RYR2: variants seen among roughly 807,000 people sequenced by gnomAD.
RYR2 encodes cardiac muscle ryanodine receptor-calcium release channel.
In RYR2, 227 loss-of-function variants were observed where a neutral mutation model predicts 601.1. That is an observed-to-expected ratio of 0.38 (90% CI 0.34 to 0.42). RYR2 has a LOEUF of 0.42. RYR2 is among the 10% of genes least tolerant of loss of function. The pLI is 1.00. For missense variants in RYR2, 4,646 were observed against 6,156.5 expected, an observed-to-expected ratio of 0.75 and a Z score of 8.21; for synonymous variants, 2,223 against 2,175.1, an observed-to-expected ratio of 1.02 and a Z score of -0.61.
chr1:237,696,576 T>C (rs1336721607), intron 63 of RYR2, among the ~76,000 whole-genome samples: 1 of 149,412 alleles, frequency 6.7e-6, no homozygotes, highest in African/African-American at 2.5e-5. Context: ...CTATTCTACA[T>C]CTTTACCCGA....
chr1:237,704,838 T>C (rs956864943), intron 66 of RYR2, among the ~76,000 whole-genome samples: 13 of 152,040 alleles, frequency 8.6e-5, no homozygotes, highest in Non-Finnish European at 5.9e-5. Flanking sequence ...ATATAGATAT[T>C]TTAACATAAG....
chr1:237,631,377 A>G (rs2148683136), intron 41 of RYR2, 50 bp from the exon 42 acceptor site: 1 of 1,139,378 alleles, frequency 8.8e-7, no homozygotes. Context: ...TTGGTTAACT[A>G]TTTAGATGTT....
At chr1:237,145,753 G>T (rs926238043) in intron 1 of RYR2, among the ~76,000 whole-genome samples, 1 of 152,130 alleles carries the variant, frequency 6.6e-6, no homozygotes, top group East Asian at 1.9e-4. Context: ...ATCTATTCTT[G>T]TAATGGCAGT....
At chr1:237,582,413 A>G (rs1297554410) in intron 29 of RYR2, among the ~76,000 whole-genome samples, 1 of 149,720 alleles carries the variant, frequency 6.7e-6, no homozygotes, top group Non-Finnish European at 1.5e-5. Flanking sequence ...CCTGGCTAGC[A>G]TTCTTTAAAA....
At chr1:237,591,092 C>A in intron 31 of RYR2, 100 bp downstream of exon 31, 1 of 182,896 alleles carries the variant, frequency 5.5e-6, no homozygotes, top group East Asian at 1.0e-4. Flanking sequence ...TCCTCCTTCT[C>A]CTCCTCCTCC....
intron 1 of RYR2, among the ~76,000 whole-genome samples, chr1:237,126,236 C>A (rs75347392): frequency 2.6e-4 from 36 of 140,612 alleles, no homozygotes; most frequent in Non-Finnish European, 3.4e-4. Context: ...GACTCTGTCT[C>A]AAAAAAAAAA....
chr1:237,628,949 T>G (rs2148671860), intron 41 of RYR2, among the ~76,000 whole-genome samples: 1 of 152,224 alleles, frequency 6.6e-6, no homozygotes, highest in South Asian at 2.1e-4. Flanking sequence ...GCATTTCATG[T>G]GGATTTGGGG....
chr1:237,341,887 C>T (rs972197081), intron 3 of RYR2, among the ~76,000 whole-genome samples: 2 of 152,148 alleles, frequency 1.3e-5, no homozygotes, highest in Admixed American at 6.5e-5. Context: ...AATCCTCCAT[C>T]CTCATTTGCC....
intron 1 of RYR2, among the ~76,000 whole-genome samples, chr1:237,057,104 G>A (rs1326541961): frequency 6.6e-6 from 1 of 152,146 alleles, no homozygotes; most frequent in African/African-American, 2.4e-5. Context: ...TGGTGTGATT[G>A]AGAAACCACA....
chr1:237,458,372 T>C (rs953802909), intron 16 of RYR2, among the ~76,000 whole-genome samples: 4 of 152,286 alleles, frequency 2.6e-5, no homozygotes, highest in Admixed American at 2.0e-4. Flanking sequence ...GAGGTTGCAG[T>C]GAGCCAAGAT....
chr1:237,127,845 C>T (rs1671691835), intron 1 of RYR2, among the ~76,000 whole-genome samples: 1 of 150,594 alleles, frequency 6.6e-6, no homozygotes, highest in African/African-American at 2.5e-5. Flanking sequence ...GGCAGAGGTG[C>T]TCCTCACTTC....
intron 2 of RYR2, among the ~76,000 whole-genome samples, chr1:237,326,941 C>T (rs1194960266): frequency 6.6e-6 from 1 of 152,120 alleles, no homozygotes; most frequent in African/African-American, 2.4e-5. Context: ...GAACAAAGGC[C>T]TGACATGCTA....
At chr1:237,265,954 A>G (rs1322648327) in intron 1 of RYR2, among the ~76,000 whole-genome samples, 2 of 152,106 alleles carry the variant, frequency 1.3e-5, no homozygotes, top group Non-Finnish European at 2.9e-5. Flanking sequence ...TAAGTGGTTG[A>G]TTATTTATTA....
rs1354903623 is a variant in RYR2, at chr1:237,797,901, G to C, written c.13957-136G>C. 5 of 741,298 alleles carry C rather than the reference G, an allele frequency of 6.7e-6. No homozygotes were observed. The East Asian group carries it at 1.2e-4, about 17-fold the overall frequency. 45.9% of individuals were successfully genotyped at this position (741,298 alleles called of 1,614,324 possible). ...TAAGCAGTGTGATCACAGAAGGTGA[G>C]CCACACACTAGATTTTAAGTGATTG... On this transcript the variant is annotated intron_variant, in intron 96 of 104. Coordinates refer to ENST00000366574, the MANE Select transcript of RYR2 (RefSeq NM_001035.3).
At chr1:237,514,310 T>G (rs1666203205) in intron 24 of RYR2, among the ~76,000 whole-genome samples, 1 of 152,220 alleles carries the variant, frequency 6.6e-6, no homozygotes, top group Non-Finnish European at 1.5e-5. Flanking sequence ...GCATTTAGCA[T>G]GTTGTGCCTT....
intron 1 of RYR2, among the ~76,000 whole-genome samples, chr1:237,257,273 T>C (rs910540437): frequency 1.3e-5 from 2 of 152,226 alleles, no homozygotes; most frequent in African/African-American, 4.8e-5. Context: ...TGGCTCTTTC[T>C]GCTCATCTGT....
intron 1 of RYR2, among the ~76,000 whole-genome samples, chr1:237,165,123 A>C (rs944657170): frequency 6.6e-6 from 1 of 151,934 alleles, no homozygotes; most frequent in Non-Finnish European, 1.5e-5. Flanking sequence ...TACCTGGCTA[A>C]TTAATTTTTT....
Position 237,119,615 on chromosome 1 carries a change from C to G in RYR2, c.48+77046C>G, listed in dbSNP as rs548447874. On this transcript the variant is annotated intron_variant, in intron 1 of 104. Coordinates refer to ENST00000366574, the MANE Select transcript of RYR2 (RefSeq NM_001035.3). The stretch of plus-strand genomic sequence containing the variant: ...GGCCAGTTTGTTTGGAGGATCACAT[C>G]GGATGAATGGAAGGAAGTGGTAGCT... Among the ~76,000 whole-genome samples, 4 of 152,224 alleles carry G rather than the reference C, an allele frequency of 2.6e-5. No individual in the cohort carries two copies. The South Asian group carries it at 8.3e-4, about 32-fold the overall frequency.
intron 19 of RYR2, among the ~76,000 whole-genome samples, chr1:237,493,670 T>C (rs563321049): frequency 1.3e-5 from 2 of 152,158 alleles, no homozygotes; most frequent in Non-Finnish European, 1.5e-5. Flanking sequence ...GCCAGGATGG[T>C]CTCGAACTCC....
Sources: allele counts gnomAD v4.1 joint callset (sites outside exome capture counted in the v4.1 genomes callset), GRCh38; gene constraint gnomAD v4.1.1; transcripts MANE v1.5; gene names NCBI Gene and HGNC (gene_info 2026-07-23, HGNC 2026-07-21).